The following ADAM32 variants were observed in gnomAD, a reference collection of about 807,000 sequenced individuals.
The protein encoded by ADAM32 is disintegrin and metalloproteinase domain-containing protein 32.
In ADAM32, 89 loss-of-function variants were observed where a neutral mutation model predicts 114.9. The observed-to-expected ratio is 0.77, with a 90% CI of 0.65 to 0.92. ADAM32 has a LOEUF of 0.92. ADAM32 is among the 40% of genes least tolerant of loss of function. The probability of loss-of-function intolerance (pLI) is 0.00; values close to 1 mark genes in which losing one functional copy is unlikely to be tolerated. For missense variants in ADAM32, 870 were observed against 932.8 expected (o/e 0.93, Z 0.88); for synonymous variants, 285 against 307.5 (o/e 0.93, Z 0.77).
chr8:39,254,487 GA>G lies in ADAM32; in HGVS notation c.1977del (p.Ser661ProfsTer25). 1 of 1,592,054 alleles carries G rather than the reference GA, an allele frequency of 6.3e-7. No homozygotes were observed. ...CCAAACTGCCAAATACGTTCCAAAG[GA>G]TTTTCCATATTTCCTGAGGAAGATA... is the stretch of plus-strand genomic sequence containing the variant. ...KPPNCQIRSK[G>X]FSIFPEEDMG... On this transcript the variant is annotated frameshift_variant, in exon 18 of 25. Transcript: ENST00000379907. LOFTEE classifies it high-confidence loss of function.
intron 7 of ADAM32, 103 bp from the exon 8 acceptor site, chr8:39,164,661 G>A (rs551211626): frequency 2.4e-6 from 2 of 823,942 alleles, no homozygotes; most frequent in South Asian, 4.4e-5. Context: ...TTGAACTGTT[G>A]AAACCCAAAG....
intron 16 of ADAM32, 127 bp from the exon 17 acceptor site, chr8:39,245,956 C>A: frequency 1.4e-6 from 1 of 707,612 alleles, no homozygotes; most frequent in East Asian, 2.8e-5. Flanking sequence ...GCAGCAAAAG[C>A]AGTACTTAGA....
chr8:39,130,637 C>A (rs182574685), intron 2 of ADAM32, among the ~76,000 whole-genome samples: 121 of 152,142 alleles, frequency 8.0e-4, no homozygotes, highest in Admixed American at 3.3e-4. Context: ...GTTGTCTTTG[C>A]AATTTTTTTG....
intron 11 of ADAM32, among the ~76,000 whole-genome samples, chr8:39,190,336 A>G (rs753093985): frequency 5.9e-5 from 9 of 152,214 alleles, no homozygotes; most frequent in Admixed American, 2.0e-4. Context: ...GCTATTGTGA[A>G]TAGTGCTGCA....
chr8:39,140,891 G>T (rs751004971), intron 3 of ADAM32, among the ~76,000 whole-genome samples: 1 of 152,126 alleles, frequency 6.6e-6, no homozygotes, highest in Non-Finnish European at 1.5e-5. Context: ...GCGGGTGCAC[G>T]TGTCCAGGAA....
intron 1 of ADAM32, among the ~76,000 whole-genome samples, chr8:39,111,932 GCCAAATTT>G: frequency 6.6e-6 from 1 of 151,966 alleles, no homozygotes; most frequent in Non-Finnish European, 1.5e-5. Context: ...GATAGTTGAG[GCCAAATTT>G]GGCTTTACAT....
At chr8:39,205,882 T>C (rs1208310060) in intron 11 of ADAM32, among the ~76,000 whole-genome samples, 1 of 152,214 alleles carries the variant, frequency 6.6e-6, no homozygotes, top group Non-Finnish European at 1.5e-5. Context: ...ATAGATTTCT[T>C]TTTGTTTTGG....
intron 19 of ADAM32, among the ~76,000 whole-genome samples, chr8:39,260,622 T>A (rs1585669400): frequency 1.3e-5 from 2 of 152,158 alleles, no homozygotes. Context: ...TGGTGTATCA[T>A]CCTTATAATG....
At chr8:39,145,455 G>A (rs1803450586) in intron 3 of ADAM32, among the ~76,000 whole-genome samples, 1 of 152,038 alleles carries the variant, frequency 6.6e-6, no homozygotes. Flanking sequence ...CCACAGAAAT[G>A]AACAAGATAA....
chr8:39,239,869 G>GA (rs1430563456), intron 16 of ADAM32, among the ~76,000 whole-genome samples: 4 of 151,964 alleles, frequency 2.6e-5, no homozygotes, highest in Admixed American at 6.6e-5. Context: ...AGTCCAATAG[G>GA]AAAAAAATCA....
rs143711220 is a variant in ADAM32 at position 39,223,055 on chromosome 8, G to A, written c.1342G>A (p.Val448Ile). ...CKDCQILQSGVECRPKAHPEC... is the reference protein window; with the variant it reads ...CKDCQILQSGIECRPKAHPEC... ...CTTCTCTTAGATTTTACAATCAGGCGTTGAATGTAGGCCGAAAGCACATCC... is the reference window on the plus strand; with the variant it reads ...CTTCTCTTAGATTTTACAATCAGGCATTGAATGTAGGCCGAAAGCACATCC... The change falls in exon 14 of 25, where the codon GTT (valine) becomes ATT (isoleucine). Residue 448 changes from valine to isoleucine, a missense_variant. Coordinates refer to ENST00000379907, the MANE Select transcript of ADAM32 (RefSeq NM_145004.7). 1.5e-4 allele frequency: 237 copies of A among 1,582,044 alleles called. 1 individual carries two copies. In the African/African-American group the frequency reaches 1.7e-3, roughly 11 times the overall value.
intron 16 of ADAM32, among the ~76,000 whole-genome samples, chr8:39,244,444 A>T (rs767317951): frequency 6.6e-6 from 1 of 152,244 alleles, no homozygotes. Context: ...CCACTATAAA[A>T]ATAGACACAT....
At chr8:39,199,302 T>C (rs932503927) in intron 11 of ADAM32, among the ~76,000 whole-genome samples, 3 of 152,222 alleles carry the variant, frequency 2.0e-5, no homozygotes, top group African/African-American at 4.8e-5. Context: ...ATAAGTCATC[T>C]ATGCCTTTAC....
At chr8:39,116,807 C>T (rs1452687072) in intron 1 of ADAM32, among the ~76,000 whole-genome samples, 1 of 151,926 alleles carries the variant, frequency 6.6e-6, no homozygotes, top group African/African-American at 2.4e-5. Flanking sequence ...GCATCCTTGT[C>T]TTGTTCCAGT....
At chr8:39,160,519 G>T (rs929164729) in intron 6 of ADAM32, among the ~76,000 whole-genome samples, 1 of 132,694 alleles carries the variant, frequency 7.5e-6, no homozygotes, top group South Asian at 2.4e-4. Flanking sequence ...TAGCCTGGGC[G>T]ACAGAGCGAG....
At chr8:39,270,649 C>T (rs969304654) in intron 19 of ADAM32, among the ~76,000 whole-genome samples, 1 of 152,208 alleles carries the variant, frequency 6.6e-6, no homozygotes, top group African/African-American at 2.4e-5. Flanking sequence ...TTTTGATACT[C>T]TCCTCATTGC....
chr8:39,207,306 A>G (rs1299141560), intron 11 of ADAM32, among the ~76,000 whole-genome samples: 2 of 151,688 alleles, frequency 1.3e-5, no homozygotes, highest in African/African-American at 2.4e-5. Context: ...AGGCTCCCCT[A>G]CTCAGCCATT....
At chr8:39,149,501 G>T (rs1803692777) in intron 4 of ADAM32, among the ~76,000 whole-genome samples, 1 of 152,046 alleles carries the variant, frequency 6.6e-6, no homozygotes, top group Non-Finnish European at 1.5e-5. Flanking sequence ...TTTAATTGAG[G>T]ATCTAAATTT....
chr8:39,136,560 T>C, intron 2 of ADAM32, 97 bp from the exon 3 acceptor site: 1 of 727,714 alleles, frequency 1.4e-6, no homozygotes, highest in Middle Eastern at 3.4e-4. Context: ...AATGAAGATG[T>C]TTTAAGCATT....
Sources: gnomAD v4.1 joint callset for allele counts (sites outside exome capture counted in the v4.1 genomes callset) on GRCh38, gnomAD v4.1.1 for gene constraint, MANE v1.5 for transcripts, NCBI Gene and HGNC (gene_info 2026-07-23, HGNC 2026-07-21) for gene names.